Variants in PHACTR1 observed in about 807,000 individuals in gnomAD.
The protein encoded by PHACTR1 is RPEL repeat containing 1.
Under a neutral mutation model 69.2 loss-of-function variants are expected in PHACTR1, and 16 were observed. The observed-to-expected ratio is 0.23, with a 90% CI of 0.16 to 0.35. The LOEUF is 0.35. PHACTR1 is among the 10% of genes least tolerant of loss of function. The pLI is 1.00. For missense variants in PHACTR1, 510 were observed against 734.7 expected (o/e 0.69, Z 3.54); for synonymous variants, 312 against 284.5 (o/e 1.10, Z -0.97).
intron 6 of PHACTR1, among the ~76,000 whole-genome samples, chr6:13,178,256 A>C (rs1260165673): frequency 6.6e-6 from 1 of 152,184 alleles, no homozygotes; most frequent in Non-Finnish European, 1.5e-5. Context: ...CCTTTGTGTC[A>C]GATTCATATT....
At chr6:13,011,760 A>C (rs1443512288) in intron 4 of PHACTR1, among the ~76,000 whole-genome samples, 1 of 152,256 alleles carries the variant, frequency 6.6e-6, no homozygotes, top group Non-Finnish European at 1.5e-5. Flanking sequence ...TTTGCTGGTA[A>C]ATACACAACC....
Position 13,150,213 on chromosome 6 carries a change from C to T in PHACTR1, c.416-9991C>T, listed in dbSNP as rs117218340. Among the ~76,000 whole-genome samples, 34 of 152,078 alleles carry T rather than the reference C, an allele frequency of 2.2e-4. 1 individual carries two copies. The East Asian group carries it at 5.2e-3, about 23-fold the overall frequency. ...AATACAAGTTAGCCTGGTGTGGTAC[C>T]GCATGCCTGTCCCAGCAACTTGGGA... On this transcript the variant is annotated intron_variant, in intron 5 of 14. Transcript: ENST00000332995.
At chr6:13,050,350 C>T (rs1805754439) in intron 4 of PHACTR1, among the ~76,000 whole-genome samples, 1 of 152,194 alleles carries the variant, frequency 6.6e-6, no homozygotes, top group Non-Finnish European at 1.5e-5. Flanking sequence ...CCTTTAGCCT[C>T]CAGTAATCTG....
chr6:12,721,640 C>T (rs1243599158), intron 3 of PHACTR1, among the ~76,000 whole-genome samples: 1 of 152,150 alleles, frequency 6.6e-6, no homozygotes, highest in African/African-American at 2.4e-5. Context: ...CCTCCAACAC[C>T]TTCCCTAGAT....
At chr6:13,087,968 G>A (rs1812587142) in intron 5 of PHACTR1, among the ~76,000 whole-genome samples, 3 of 151,934 alleles carry the variant, frequency 2.0e-5, no homozygotes, top group Admixed American at 1.3e-4. Flanking sequence ...TCTTTAACCT[G>A]GTAATGTGTC....
intron 3 of PHACTR1, among the ~76,000 whole-genome samples, chr6:12,744,843 C>A (rs536636466): frequency 6.6e-6 from 1 of 152,242 alleles, no homozygotes; most frequent in South Asian, 2.1e-4. Context: ...ATTTGACTAA[C>A]AACAATTTTA....
At chr6:12,991,959 CT>C (rs1164540603) in intron 4 of PHACTR1, among the ~76,000 whole-genome samples, 1 of 150,176 alleles carries the variant, frequency 6.7e-6, no homozygotes, top group Non-Finnish European at 1.5e-5. Context: ...TTTTTTTACC[CT>C]TATGAAAGGT....
intron 4 of PHACTR1, among the ~76,000 whole-genome samples, chr6:12,766,373 G>A (rs943744504): frequency 6.6e-6 from 1 of 152,184 alleles, no homozygotes; most frequent in Non-Finnish European, 1.5e-5. Flanking sequence ...CATCTTGCAG[G>A]TGAGGAAATT....
At chr6:12,853,429 A>G (rs1400344751) in intron 4 of PHACTR1, among the ~76,000 whole-genome samples, 1 of 152,184 alleles carries the variant, frequency 6.6e-6, no homozygotes, top group Non-Finnish European at 1.5e-5. Context: ...AGTCAAGACA[A>G]TTTTTTAAAT....
At chr6:13,085,270 C>T (rs759625220) in intron 5 of PHACTR1, among the ~76,000 whole-genome samples, 1 of 151,870 alleles carries the variant, frequency 6.6e-6, no homozygotes, top group African/African-American at 2.4e-5. Context: ...CTAAACTCCA[C>T]TACTAAATCT....
rs1819799210 is a variant in PHACTR1 at position 13,127,985 on chromosome 6, C to T, written c.416-32219C>T. Among the ~76,000 whole-genome samples, 3 of 151,692 alleles carry T rather than the reference C, an allele frequency of 2.0e-5. No individual in the cohort carries two copies. The South Asian group carries it at 6.3e-4, about 32-fold the overall frequency. ...ATGGCGGAAGGGGAAGCAAACATAT[C>T]CTTCTTCACATGGCGGCCGGAAGGA... On this transcript the variant is annotated intron_variant, in intron 5 of 14. Transcript: ENST00000332995.
intron 5 of PHACTR1, among the ~76,000 whole-genome samples, chr6:13,072,375 G>T (rs570157323): frequency 8.6e-5 from 13 of 151,798 alleles, no homozygotes; most frequent in South Asian, 2.1e-4. Context: ...AAGAAAACTT[G>T]AGAATTTTTA....
At chr6:13,170,500 G>T (rs1760446660) in intron 6 of PHACTR1, among the ~76,000 whole-genome samples, 1 of 152,132 alleles carries the variant, frequency 6.6e-6, no homozygotes, top group Admixed American at 6.5e-5. Flanking sequence ...CCACTGACAT[G>T]CATTGACCTT....
chr6:12,733,875 T>C (rs1449326006), intron 3 of PHACTR1, among the ~76,000 whole-genome samples: 1 of 151,900 alleles, frequency 6.6e-6, no homozygotes, highest in African/African-American at 2.4e-5. Context: ...AAAATCAAAA[T>C]ATATGAGTCT....
chr6:13,053,571 G>T, intron 5 of PHACTR1, 42 bp downstream of exon 5: 1 of 1,590,256 alleles, frequency 6.3e-7, no homozygotes, highest in Non-Finnish European at 8.6e-7. Context: ...GGTGTTTGTT[G>T]CCTTCAACTC....
intron 4 of PHACTR1, among the ~76,000 whole-genome samples, chr6:13,019,072 A>T (rs55844098): frequency 0.52 from 75,084 of 144,364 alleles, 20,414 homozygotes; most frequent in East Asian, 0.73. Context: ...ATATATATAT[A>T]TATTTTTTCT....
chr6:13,118,945 T>G (rs1310718604), intron 5 of PHACTR1, among the ~76,000 whole-genome samples: 3 of 152,134 alleles, frequency 2.0e-5, no homozygotes, highest in Admixed American at 6.5e-5. Context: ...GGAATGATAC[T>G]ACTTCTAATG....
chr6:12,932,227 T>C (rs778413056), intron 4 of PHACTR1, among the ~76,000 whole-genome samples: 4 of 152,178 alleles, frequency 2.6e-5, no homozygotes, highest in Non-Finnish European at 5.9e-5. Flanking sequence ...AGCCCATGAA[T>C]GTAGCTTGGT....
At chr6:13,172,347 T>C (rs1283264577) in intron 6 of PHACTR1, among the ~76,000 whole-genome samples, 3 of 152,172 alleles carry the variant, frequency 2.0e-5, no homozygotes, top group Admixed American at 6.5e-5. Flanking sequence ...CCCTGATAGT[T>C]CATGAGGATA....
Sources: gnomAD v4.1 joint callset for allele counts (sites outside exome capture counted in the v4.1 genomes callset) on GRCh38, gnomAD v4.1.1 for gene constraint, MANE v1.5 for transcripts, NCBI Gene and HGNC (gene_info 2026-07-23, HGNC 2026-07-21) for gene names.